Variants in FGGY observed in about 807,000 individuals in gnomAD.
The protein encoded by FGGY is FGGY carbohydrate kinase domain-containing protein.
Under a neutral mutation model 71.3 loss-of-function variants are expected in FGGY, and 72 were observed. The observed-to-expected ratio is 1.01, with a 90% CI of 0.84 to 1.23. The LOEUF (loss-of-function observed/expected upper bound fraction) is 1.23, where lower values mean the gene tolerates loss of function less well. Ranked by LOEUF, FGGY falls within the 50% of genes most tolerant of loss-of-function variation. The pLI is 0.00. For synonymous variants in FGGY, 251 were observed against 250.3 expected (o/e 1.00, Z -0.02); for missense variants, 668 against 682.3 (o/e 0.98, Z 0.23).
Position 59,546,510 on chromosome 1 carries a change from TGATGATGATGATGATG to T in FGGY, c.800-7613_800-7598del, listed in dbSNP as rs2095523647. On this transcript the variant is annotated intron_variant, in intron 7 of 15. Coordinates refer to ENST00000303721, the MANE Select transcript of FGGY (RefSeq NM_018291.5). ...AAGCATAGGATGATGATGATGATGA[TGATGATGATGATGATG>T]ATGATGATGATTATTATTATTATTA... Among the ~76,000 whole-genome samples the T allele has an allele frequency of 8.9e-5, 13 of 146,402 alleles. No individual in the cohort carries two copies. The South Asian group carries it at 2.9e-3, about 32-fold the overall frequency.
At chr1:59,443,777 A>G (rs922514909) in intron 5 of FGGY, among the ~76,000 whole-genome samples, 1 of 152,184 alleles carries the variant, frequency 6.6e-6, no homozygotes, top group Non-Finnish European at 1.5e-5. Context: ...ATAGGTATGT[A>G]TGTTTTCTGT....
At chr1:59,419,223 A>G (rs1056478354) in intron 5 of FGGY, among the ~76,000 whole-genome samples, 1 of 152,224 alleles carries the variant, frequency 6.6e-6, no homozygotes, top group Non-Finnish European at 1.5e-5. Flanking sequence ...AGGACATTAT[A>G]TGATTATGGC....
chr1:59,481,936 A>G (rs2093487580), intron 6 of FGGY, among the ~76,000 whole-genome samples: 1 of 152,150 alleles, frequency 6.6e-6, no homozygotes, highest in Admixed American at 6.6e-5. Flanking sequence ...CGACATGAAA[A>G]GAAAGTCTGA....
At position 59,493,122 on chromosome 1, in the gene FGGY, C is replaced by CAT. The variant is rs1428009919; in HGVS notation, c.671-19188_671-19187insTA. On this transcript the variant is annotated intron_variant, in intron 6 of 15. Transcript: ENST00000303721. ...ACACACACACACACACACACACACA[C>CAT]ACACACACAAAACAGAAAGTAAGTG... Among the ~76,000 whole-genome samples, 3 of 151,406 alleles carry CAT rather than the reference C, an allele frequency of 2.0e-5. No individual in the cohort carries two copies. The East Asian group carries it at 5.8e-4, about 29-fold the overall frequency.
intron 7 of FGGY, among the ~76,000 whole-genome samples, chr1:59,536,007 A>G (rs1186008383): frequency 1.3e-5 from 2 of 151,072 alleles, no homozygotes; most frequent in African/African-American, 4.9e-5. Flanking sequence ...GGAAATCAAG[A>G]CACAAAAAAC....
At chr1:59,323,635 C>T (rs1281634111) in intron 2 of FGGY, among the ~76,000 whole-genome samples, 1 of 152,234 alleles carries the variant, frequency 6.6e-6, no homozygotes, top group Non-Finnish European at 1.5e-5. Context: ...CCTAGATTGA[C>T]ATCCCACTTA....
chr1:59,658,660 G>A (rs768542948), intron 11 of FGGY, among the ~76,000 whole-genome samples: 28 of 152,278 alleles, frequency 1.8e-4, no homozygotes, highest in Non-Finnish European at 3.8e-4. Flanking sequence ...GAGGGCAATG[G>A]GGAGAACGTT....
chr1:59,415,772 G>A (rs920007669), intron 5 of FGGY, among the ~76,000 whole-genome samples: 1 of 152,196 alleles, frequency 6.6e-6, no homozygotes, highest in Admixed American at 6.5e-5. Context: ...TGTAAATGCT[G>A]TCTTTATTCA....
chr1:59,540,969 A>G (rs1456650501), intron 7 of FGGY, among the ~76,000 whole-genome samples: 2 of 152,234 alleles, frequency 1.3e-5, no homozygotes, highest in East Asian at 3.8e-4. Flanking sequence ...TGAGTAATCA[A>G]GTAAGGGAAA....
chr1:59,509,904 C>T (rs2094477791), intron 6 of FGGY, among the ~76,000 whole-genome samples: 1 of 152,108 alleles, frequency 6.6e-6, no homozygotes, highest in South Asian at 2.1e-4. Flanking sequence ...AAAATTACAC[C>T]TTTTATGTTT....
At chr1:59,417,638 A>G (rs1222858024) in intron 5 of FGGY, among the ~76,000 whole-genome samples, 1 of 152,162 alleles carries the variant, frequency 6.6e-6, no homozygotes, top group Non-Finnish European at 1.5e-5. Context: ...TATTATAACC[A>G]TCTTAGTGGG....
chr1:59,368,739 C>T (rs990123937), intron 4 of FGGY, among the ~76,000 whole-genome samples: 1 of 152,174 alleles, frequency 6.6e-6, no homozygotes, highest in African/African-American at 2.4e-5. Context: ...GGGTAATGTG[C>T]TGTTGGCCAA....
At chr1:59,450,738 A>G (rs1006906131) in intron 5 of FGGY, among the ~76,000 whole-genome samples, 7 of 152,102 alleles carry the variant, frequency 4.6e-5, no homozygotes, top group Admixed American at 2.0e-4. Flanking sequence ...GGTTCATAAA[A>G]TATTATGAAT....
At chr1:59,396,806 A>G (rs1194186897) in intron 5 of FGGY, among the ~76,000 whole-genome samples, 1 of 152,206 alleles carries the variant, frequency 6.6e-6, no homozygotes, top group Admixed American at 6.5e-5. Context: ...ATGCATGATG[A>G]GCACTCAATT....
At chr1:59,393,567 C>A (rs575835608) in intron 5 of FGGY, among the ~76,000 whole-genome samples, 103 of 152,194 alleles carry the variant, frequency 6.8e-4, no homozygotes, top group African/African-American at 2.4e-3. Context: ...CTGTTTACTC[C>A]CTTTCCCACC....
chr1:59,678,637 G>A (rs1206198400), intron 14 of FGGY, among the ~76,000 whole-genome samples: 1 of 152,044 alleles, frequency 6.6e-6, no homozygotes, highest in Non-Finnish European at 1.5e-5. Context: ...TTTCCTTCAG[G>A]CCCCCTGCAG....
At chr1:59,631,897 T>C (rs1170700054) in intron 10 of FGGY, among the ~76,000 whole-genome samples, 2 of 152,220 alleles carry the variant, frequency 1.3e-5, no homozygotes, top group Non-Finnish European at 2.9e-5. Context: ...GATCACCTTA[T>C]GTCAATCATA....
chr1:59,346,221 C>A (rs769191821), intron 3 of FGGY, 26 bp from the exon 4 acceptor site: 4 of 1,611,748 alleles, frequency 2.5e-6, no homozygotes, highest in South Asian at 1.1e-5. Flanking sequence ...GTGTGTCCAT[C>A]TGCATCTCCC....
intron 13 of FGGY, among the ~76,000 whole-genome samples, chr1:59,670,483 C>T (rs559928775): frequency 6.6e-6 from 1 of 152,290 alleles, no homozygotes; most frequent in East Asian, 1.9e-4. Context: ...AGCAGATCAG[C>T]TCTGTGACTT....
Sources: gnomAD v4.1 joint callset for allele counts (sites outside exome capture counted in the v4.1 genomes callset) on GRCh38, gnomAD v4.1.1 for gene constraint, MANE v1.5 for transcripts, NCBI Gene and HGNC (gene_info 2026-07-23, HGNC 2026-07-21) for gene names.